Variants in PSD3 observed in about 807,000 individuals in gnomAD.
PSD3 encodes PH and SEC7 domain-containing protein 3.
In PSD3, 49 loss-of-function variants were observed where a neutral mutation model predicts 105.5. The observed-to-expected ratio is 0.46, with a 90% confidence interval of 0.37 to 0.59. PSD3 has a LOEUF of 0.59. PSD3 is among the 20% of genes least tolerant of loss of function. The pLI is 0.00. For synonymous variants in PSD3, 557 were observed against 457.8 expected (o/e 1.22, Z -2.77); for missense variants, 1,561 against 1,263.8 (o/e 1.24, Z -3.57).
chr8:18,659,988 A>G (rs1809223049), intron 9 of PSD3, among the ~76,000 whole-genome samples: 2 of 152,206 alleles, frequency 1.3e-5, no homozygotes, highest in South Asian at 4.1e-4. Flanking sequence ...AGGGCAGCCC[A>G]TATGAATACA....
intron 9 of PSD3, among the ~76,000 whole-genome samples, chr8:18,752,977 T>C (rs141891684): frequency 6.6e-6 from 1 of 152,054 alleles, no homozygotes; most frequent in East Asian, 1.9e-4. Context: ...CTGTGATCTT[T>C]TACAAATGGC....
At chr8:18,733,045 G>T (rs1336467040) in intron 9 of PSD3, 1 of 152,130 alleles carries the variant, frequency 6.6e-6, no homozygotes, top group Non-Finnish European at 1.5e-5. Context: ...TAGCATCACG[G>T]ACAGCAGCGT....
chr8:18,782,592 C>A (rs1015996903), intron 8 of PSD3, among the ~76,000 whole-genome samples: 4 of 152,132 alleles, frequency 2.6e-5, no homozygotes, highest in African/African-American at 9.7e-5. Flanking sequence ...GGATCTCGGT[C>A]AACACACGTG....
chr8:18,859,060 C>T (rs762608426), intron 4 of PSD3, among the ~76,000 whole-genome samples: 35 of 151,984 alleles, frequency 2.3e-4, no homozygotes, highest in Non-Finnish European at 3.4e-4. Context: ...ATATTCCTTC[C>T]AAAAAAGCTC....
intron 2 of PSD3, among the ~76,000 whole-genome samples, chr8:18,918,892 C>G (rs1218379704): frequency 2.6e-5 from 4 of 152,114 alleles, no homozygotes; most frequent in Non-Finnish European, 4.4e-5. Context: ...AGTGCCAGTT[C>G]AGACCCGGGG....
At chr8:18,719,390 G>A (rs1802805199) in intron 9 of PSD3, among the ~76,000 whole-genome samples, 1 of 152,108 alleles carries the variant, frequency 6.6e-6, no homozygotes, top group African/African-American at 2.4e-5. Context: ...GAACTCCAGA[G>A]AAAAAGAATT....
chr8:18,858,695 A>T (rs1345928924), intron 4 of PSD3, among the ~76,000 whole-genome samples: 1 of 152,152 alleles, frequency 6.6e-6, no homozygotes, highest in Non-Finnish European at 1.5e-5. Context: ...ATTTCAAGAA[A>T]CCGCTTTCTT....
intron 2 of PSD3, among the ~76,000 whole-genome samples, chr8:18,933,802 T>C (rs1821900862): frequency 6.6e-6 from 1 of 152,164 alleles, no homozygotes; most frequent in Non-Finnish European, 1.5e-5. Context: ...TGGGGATAAC[T>C]ATAATCAGTA....
chr8:19,009,587 G>A (rs1440287807), intron 1 of PSD3, among the ~76,000 whole-genome samples: 2 of 152,100 alleles, frequency 1.3e-5, no homozygotes, highest in African/African-American at 2.4e-5. Flanking sequence ...CGAAATAAGC[G>A]TTTTCCAAAA....
At chr8:18,939,234 A>G (rs1822362732) in intron 1 of PSD3, among the ~76,000 whole-genome samples, 1 of 152,188 alleles carries the variant, frequency 6.6e-6, no homozygotes, top group African/African-American at 2.4e-5. Flanking sequence ...ATTGCCAATC[A>G]AGAGAATTCT....
chr8:18,762,864 AACT>A (rs1806653607), intron 9 of PSD3: 1 of 1,173,396 alleles, frequency 8.5e-7, no homozygotes, highest in Admixed American at 2.8e-5. Flanking sequence ...TTCAGAAAAC[AACT>A]ACAACAACAA....
intron 11 of PSD3, among the ~76,000 whole-genome samples, chr8:18,631,849 T>C (rs910410030): frequency 2.6e-5 from 4 of 152,002 alleles, no homozygotes; most frequent in East Asian, 1.9e-4. Flanking sequence ...CAGCTACAGA[T>C]AGAAACAGTG....
At chr8:18,865,262 AT>A (rs1816796765) in intron 4 of PSD3, 1 of 3,588 alleles carries the variant, frequency 2.8e-4, no homozygotes, top group African/African-American at 1.3e-3. Context: ...ATATATATAT[AT>A]ATATATATAT....
chr8:18,778,357 A>C (rs1396261098), intron 8 of PSD3, among the ~76,000 whole-genome samples: 1 of 152,174 alleles, frequency 6.6e-6, no homozygotes, highest in Admixed American at 6.5e-5. Flanking sequence ...CAGATCTAAG[A>C]GTTTCAGGTA....
chr8:18,579,409 G>A (rs1238758705), intron 12 of PSD3, among the ~76,000 whole-genome samples: 3 of 152,194 alleles, frequency 2.0e-5, no homozygotes, highest in African/African-American at 2.4e-5. Flanking sequence ...AATGCTCCAC[G>A]ACATCTAATT....
intron 1 of PSD3, among the ~76,000 whole-genome samples, chr8:18,938,977 C>T (rs1028267547): frequency 6.6e-6 from 1 of 152,072 alleles, no homozygotes; most frequent in African/African-American, 2.4e-5. Flanking sequence ...GTATCAAGAG[C>T]CTACACTGGG....
intron 1 of PSD3, among the ~76,000 whole-genome samples, chr8:19,074,952 A>AT (rs71218924): frequency 0.27 from 37,745 of 138,358 alleles, 5,681 homozygotes; most frequent in Non-Finnish European, 0.36. Flanking sequence ...ATTAATTACT[A>AT]TTTTTTTTTT....
rs74706114 is a variant in PSD3 at position 18,764,123 on chromosome 8, C to T, written c.2172+1326G>A. Among the ~76,000 whole-genome samples, 841 of 152,268 alleles carry T rather than the reference C, an allele frequency of 5.5e-3. 3 individuals are homozygous for T. The highest frequency in any genetic ancestry group is 0.019 in the African/African-American group (772 of 41,560). ...AACCGTCATGCAGGTTACCATAAGC[C>T]TACCACTAAATTCTAAAAGCTTCAC... is the stretch of plus-strand genomic sequence containing the variant. On this transcript the variant is annotated intron_variant, in intron 9 of 15. Transcript: ENST00000327040.
intron 2 of PSD3, among the ~76,000 whole-genome samples, chr8:18,933,175 C>A (rs1821856799): frequency 6.6e-6 from 1 of 152,172 alleles, no homozygotes; most frequent in Non-Finnish European, 1.5e-5. Flanking sequence ...TACTACCAAC[C>A]ATTTTTACCA....
Sources: allele counts gnomAD v4.1 joint callset (sites outside exome capture counted in the v4.1 genomes callset), GRCh38; gene constraint gnomAD v4.1.1; transcripts MANE v1.5; gene names NCBI Gene and HGNC (gene_info 2026-07-23, HGNC 2026-07-21).